Variants in TYW1B observed in about 807,000 individuals in gnomAD.
TYW1B encodes the protein tRNA-yW synthesizing protein 1 homolog B.
TYW1B carries 73 observed loss-of-function variants against 86.9 expected under a neutral mutation model. That is an observed-to-expected ratio of 0.84 (90% CI 0.70 to 1.02). The LOEUF is 1.02. TYW1B is among the 50% of genes least tolerant of loss of function. The probability of loss-of-function intolerance (pLI) is 0.00; values close to 1 mark genes in which losing one functional copy is unlikely to be tolerated. For synonymous variants in TYW1B, 248 were observed against 292.8 expected (o/e 0.85, Z 1.56); for missense variants, 637 against 827.4 (o/e 0.77, Z 2.82).
intron 11 of TYW1B, among the ~76,000 whole-genome samples, chr7:72,675,692 C>T (rs1563055502): frequency 6.6e-6 from 1 of 151,780 alleles, no homozygotes; most frequent in Non-Finnish European, 1.5e-5. Context: ...CCACAGTCAT[C>T]ATAGTTCATC....
intron 10 of TYW1B, among the ~76,000 whole-genome samples, chr7:72,695,585 A>G (rs1247203128): frequency 2.6e-5 from 4 of 151,480 alleles, no homozygotes; most frequent in Admixed American, 2.6e-4. Context: ...TCCTTCTCCT[A>G]CTAGGTCTTT....
At chr7:72,594,065 A>G (rs1455625321) in intron 13 of TYW1B, among the ~76,000 whole-genome samples, 2 of 152,052 alleles carry the variant, frequency 1.3e-5, no homozygotes, top group Non-Finnish European at 1.5e-5. Context: ...ATTTTTAAAA[A>G]AGAAGACCTC....
At chr7:72,595,296 G>T (rs1811503909) in intron 13 of TYW1B, among the ~76,000 whole-genome samples, 2 of 152,148 alleles carry the variant, frequency 1.3e-5, no homozygotes, top group African/African-American at 4.8e-5. Context: ...CAAAGTGGCA[G>T]GATACAAAGT....
chr7:72,702,101 C>T (rs1329446221), intron 10 of TYW1B, among the ~76,000 whole-genome samples: 6 of 152,136 alleles, frequency 3.9e-5, no homozygotes, highest in African/African-American at 1.4e-4. Context: ...TATTGGTGAG[C>T]TTCTTGTTTG....
chr7:72,636,098 TAA>T (rs1812659971), intron 11 of TYW1B, among the ~76,000 whole-genome samples: 2 of 152,236 alleles, frequency 1.3e-5, no homozygotes, highest in Admixed American at 1.3e-4. Flanking sequence ...TTAGATCCTT[TAA>T]AATTTCTCTC....
intron 5 of TYW1B, among the ~76,000 whole-genome samples, chr7:72,803,202 A>G (rs1417478431): frequency 6.6e-6 from 1 of 152,104 alleles, no homozygotes; most frequent in Admixed American, 6.6e-5. Flanking sequence ...TGAAACCCTC[A>G]TCTCTACAAA....
intron 11 of TYW1B, among the ~76,000 whole-genome samples, chr7:72,632,388 G>GTATATATATAATATATATACA (rs1563038697): frequency 1.4e-5 from 1 of 70,328 alleles, no homozygotes; most frequent in East Asian, 3.9e-4. Flanking sequence ...ATATATATAC[G>GTATATATATAATATATATACA]TATATATATA....
chr7:72,769,157 C>T, intron 7 of TYW1B: 1 of 464,774 alleles, frequency 2.2e-6, no homozygotes. Flanking sequence ...TTCATGTGTG[C>T]TGCATTGGAA....
At chr7:72,798,093 T>C (rs1788339970) in intron 6 of TYW1B, among the ~76,000 whole-genome samples, 1 of 151,964 alleles carries the variant, frequency 6.6e-6, no homozygotes, top group Admixed American at 6.6e-5. Flanking sequence ...TAAACGCACA[T>C]TTTTTTAAAT....
At chr7:72,732,193 A>G (rs1787124982) in intron 8 of TYW1B, among the ~76,000 whole-genome samples, 2 of 152,186 alleles carry the variant, frequency 1.3e-5, no homozygotes, top group Admixed American at 1.3e-4. Context: ...AGTCGGGGGC[A>G]TCAACATCAC....
chr7:72,806,417 G>C (rs1788496339), intron 5 of TYW1B, among the ~76,000 whole-genome samples: 1 of 152,010 alleles, frequency 6.6e-6, no homozygotes, highest in Non-Finnish European at 1.5e-5. Context: ...TGTATTTTTA[G>C]TAGAGGTGGG....
At chr7:72,743,512 AGGAGTT>A (rs201224462) in intron 8 of TYW1B, among the ~76,000 whole-genome samples, 1,790 of 152,278 alleles carry the variant, frequency 0.012, 32 homozygotes, top group African/African-American at 0.04. Context: ...ATAGAGAACT[AGGAGTT>A]GAAGAGTAAG....
At position 72,807,093 on chromosome 7, in the gene TYW1B, C is replaced by T; in HGVS notation, c.696G>A (p.Gln232=). Residue 232 remains glutamine, a synonymous_variant, in exon 5 of 14, where the codon CAG becomes CAA. Transcript: ENST00000620995. ...TGGTGTCTCTGTGATGCAATTCGTC[C>T]TGCTCTTGAGATCCTTCCTCCCTCT... ...SEEREEGSQE[Q]DELHHRDTKE... 6.2e-7 allele frequency: 1 copy of T among 1,614,126 alleles called. No homozygotes were observed. Among genetic ancestry groups the T allele is most frequent in the Non-Finnish European group, 8.5e-7 (1 of 1,180,010 alleles).
At chr7:72,687,041 T>C (rs1814022705) in intron 11 of TYW1B, among the ~76,000 whole-genome samples, 1 of 152,136 alleles carries the variant, frequency 6.6e-6, no homozygotes, top group African/African-American at 2.4e-5. Context: ...ATTTCACAAA[T>C]AGGACAGGAA....
intron 2 of TYW1B, among the ~76,000 whole-genome samples, chr7:72,823,790 T>C (rs1554480970): frequency 6.6e-6 from 1 of 152,088 alleles, no homozygotes; most frequent in Non-Finnish European, 1.5e-5. Flanking sequence ...CTAATTAATA[T>C]AGTCAATAAC....
At chr7:72,808,498 A>G (rs1219104087) in intron 4 of TYW1B, among the ~76,000 whole-genome samples, 2 of 151,594 alleles carry the variant, frequency 1.3e-5, no homozygotes, top group African/African-American at 2.4e-5. Context: ...CTACACAACA[A>G]TAGAATGAAA....
chr7:72,613,095 C>G (rs1310096159), intron 13 of TYW1B, among the ~76,000 whole-genome samples: 33 of 152,072 alleles, frequency 2.2e-4, no homozygotes, highest in Non-Finnish European at 3.8e-4. Context: ...GAACTGTATT[C>G]TTTTGAAATA....
At chr7:72,789,854 T>C (rs1788189605) in intron 6 of TYW1B, among the ~76,000 whole-genome samples, 1 of 148,196 alleles carries the variant, frequency 6.7e-6, no homozygotes, top group Non-Finnish European at 1.5e-5. Flanking sequence ...CAGTGTACAA[T>C]AAAGAATAAG....
intron 6 of TYW1B, among the ~76,000 whole-genome samples, chr7:72,791,550 G>A (rs1788219265): frequency 2.0e-5 from 3 of 152,264 alleles, no homozygotes; most frequent in Admixed American, 1.3e-4. Context: ...GGCCAAGGTG[G>A]GCGGATCATA....
Sources: allele counts gnomAD v4.1 joint callset (sites outside exome capture counted in the v4.1 genomes callset), GRCh38; gene constraint gnomAD v4.1.1; transcripts MANE v1.5; gene names NCBI Gene and HGNC (gene_info 2026-07-23, HGNC 2026-07-21).